Variants in PCDH11Y observed in about 807,000 individuals in gnomAD.
PCDH11Y encodes the protein protocadherin 11 Y-linked.
For missense variants in PCDH11Y, 12 were observed against 224.8 expected (o/e 0.05, Z 6.05); for synonymous variants, 9 against 83.6 (o/e 0.11, Z 4.87).
At chrY:5,647,159 G>T (rs2053527906) in intron 4 of PCDH11Y, among the ~76,000 whole-genome samples, 1 of 33,516 alleles carries the variant, frequency 3.0e-5, no homozygotes, top group African/African-American at 1.2e-4. Flanking sequence ...AGTGAATTAA[G>T]TGGACCCTTA....
intron 2 of PCDH11Y, among the ~76,000 whole-genome samples, chrY:5,481,166 C>A: frequency 3.1e-5 from 1 of 32,483 alleles, no homozygotes; most frequent in Non-Finnish European, 7.5e-5. Flanking sequence ...AAACCCAGGG[C>A]CCTGGTGGTA....
chrY:5,052,721 A>G (rs1360590154), upstream of PCDH11Y, among the ~76,000 whole-genome samples: 132 of 30,336 alleles, frequency 4.4e-3, no homozygotes, highest in East Asian at 0.067. Context: ...AGTTCTTTAT[A>G]TCTTCTTTTG....
chrY:5,475,499 T>A, intron 2 of PCDH11Y, among the ~76,000 whole-genome samples: 1 of 32,303 alleles, frequency 3.1e-5, no homozygotes, highest in East Asian at 8.2e-4. Flanking sequence ...TGTTAAACTG[T>A]CTTTGCATTT....
At chrY:5,167,889 T>C in intron 2 of PCDH11Y, among the ~76,000 whole-genome samples, 1 of 30,457 alleles carries the variant, frequency 3.3e-5, no homozygotes, top group Non-Finnish European at 7.9e-5. Flanking sequence ...CATCAAAACT[T>C]GTTCAAAATG....
intron 2 of PCDH11Y, among the ~76,000 whole-genome samples, chrY:5,330,367 G>C (rs1398931162): frequency 3.0e-5 from 1 of 33,547 alleles, no homozygotes; most frequent in Non-Finnish European, 7.4e-5. Flanking sequence ...CAGGCCATCC[G>C]GGCATATACG....
chrY:5,286,916 C>T (rs2053060984), intron 2 of PCDH11Y, among the ~76,000 whole-genome samples: 1 of 32,582 alleles, frequency 3.1e-5, no homozygotes, highest in Non-Finnish European at 7.5e-5. Flanking sequence ...ATTTTTCTTC[C>T]TAGGACTTCC....
At chrY:5,426,175 G>A (rs1344110897) in intron 2 of PCDH11Y, among the ~76,000 whole-genome samples, 9 of 33,077 alleles carry the variant, frequency 2.7e-4, no homozygotes, top group Non-Finnish European at 5.3e-4. Context: ...TTTTAGCAAA[G>A]AAAAGAAACA....
intron 2 of PCDH11Y, among the ~76,000 whole-genome samples, chrY:5,493,394 G>T: frequency 3.0e-5 from 1 of 32,808 alleles, no homozygotes; most frequent in South Asian, 6.9e-4. Flanking sequence ...CAAACTTGTG[G>T]CTTATTTTAT....
intron 2 of PCDH11Y, among the ~76,000 whole-genome samples, chrY:5,336,415 C>T (rs2053137182): frequency 2.3e-4 from 7 of 30,674 alleles, no homozygotes; most frequent in Non-Finnish European, 4.7e-4. Context: ...GGACTACAGG[C>T]GCCTGCCACC....
At chrY:5,164,583 A>C in intron 2 of PCDH11Y, among the ~76,000 whole-genome samples, 2 of 32,689 alleles carry the variant, frequency 6.1e-5, no homozygotes, top group Non-Finnish European at 1.5e-4. Context: ...AATTCAAAGG[A>C]TAAATGCTCA....
chrY:5,356,737 T>C (rs2124670997), intron 2 of PCDH11Y, among the ~76,000 whole-genome samples: 7 of 27,622 alleles, frequency 2.5e-4, no homozygotes, highest in Admixed American at 6.9e-4. Context: ...AAAAAAAAAT[T>C]AGCTGGGCGT....
intron 2 of PCDH11Y, among the ~76,000 whole-genome samples, chrY:5,433,948 A>G (rs2053271216): frequency 3.0e-5 from 1 of 33,516 alleles, no homozygotes; most frequent in Non-Finnish European, 7.3e-5. Context: ...ATCAATGATA[A>G]ATTAAAATTT....
chrY:5,147,829 A>C, intron 2 of PCDH11Y, among the ~76,000 whole-genome samples: 1 of 32,990 alleles, frequency 3.0e-5, no homozygotes, highest in Non-Finnish European at 7.4e-5. Context: ...ATGGAAGAAA[A>C]GGGCTGTAAT....
chrY:5,238,023 A>G, intron 2 of PCDH11Y, among the ~76,000 whole-genome samples: 4 of 33,210 alleles, frequency 1.2e-4, no homozygotes, highest in Admixed American at 1.1e-3. Flanking sequence ...ATTCAATGCC[A>G]TCTCCATCAA....
At chrY:5,074,171 G>T (rs2052704823) in intron 1 of PCDH11Y, among the ~76,000 whole-genome samples, 1 of 32,380 alleles carries the variant, frequency 3.1e-5, no homozygotes, top group African/African-American at 1.2e-4. Flanking sequence ...ATAGATCTTA[G>T]TGGCACTCTC....
intron 2 of PCDH11Y, among the ~76,000 whole-genome samples, chrY:5,237,678 G>A (rs1602890830): frequency 6.2e-5 from 2 of 32,110 alleles, no homozygotes; most frequent in Non-Finnish European, 1.5e-4. Flanking sequence ...ATACCCCATC[G>A]TCTCAGCCCA....
At chrY:5,625,399 T>C in intron 4 of PCDH11Y, among the ~76,000 whole-genome samples, 1 of 20,333 alleles carries the variant, frequency 4.9e-5, no homozygotes, top group African/African-American at 2.0e-4. Flanking sequence ...TCTTTTTTTT[T>C]TTTTTTTTTT....
At chrY:5,135,188 G>A in intron 2 of PCDH11Y, among the ~76,000 whole-genome samples, 2 of 33,223 alleles carry the variant, frequency 6.0e-5, no homozygotes, top group African/African-American at 2.4e-4. Flanking sequence ...CTCAGGAAAG[G>A]TGGCCAGAGG....
chrY:5,486,672 C>CAT (rs869150257), intron 2 of PCDH11Y, among the ~76,000 whole-genome samples: 40 of 3,060 alleles, frequency 0.013, no homozygotes, highest in South Asian at 0.081. Context: ...TCATTCCATT[C>CAT]ATATATATAT....
Sources: allele counts gnomAD v4.1 joint callset (sites outside exome capture counted in the v4.1 genomes callset), GRCh38; gene constraint gnomAD v4.1.1; transcripts MANE v1.5; gene names NCBI Gene and HGNC (gene_info 2026-07-23, HGNC 2026-07-21).